PCDH15: variants seen among roughly 807,000 people sequenced by gnomAD.
The protein encoded by PCDH15 is protocadherin related 15.
Under a neutral mutation model 178.5 loss-of-function variants are expected in PCDH15, and 129 were observed. The observed-to-expected ratio is 0.72, with a 90% CI of 0.63 to 0.84. PCDH15 has a LOEUF of 0.84. PCDH15 is among the 40% of genes least tolerant of loss of function. The probability of loss-of-function intolerance (pLI) is 0.00; values close to 1 mark genes in which losing one functional copy is unlikely to be tolerated. For synonymous variants in PCDH15, 800 were observed against 732.0 expected, an observed-to-expected ratio of 1.09 and a Z score of -1.50; for missense variants, 2,230 against 2,099.9, an observed-to-expected ratio of 1.06 and a Z score of -1.21.
intron 2 of PCDH15, among the ~76,000 whole-genome samples, chr10:55,584,059 T>C (rs1295794901): frequency 2.0e-5 from 3 of 151,934 alleles, no homozygotes; most frequent in Non-Finnish European, 4.4e-5. Context: ...TTAAAAAATA[T>C]ATTTTGTAGA....
intron 5 of PCDH15, among the ~76,000 whole-genome samples, chr10:54,362,582 A>T (rs1272326030): frequency 6.6e-6 from 1 of 152,138 alleles, no homozygotes; most frequent in East Asian, 1.9e-4. Flanking sequence ...ACAGAACTTG[A>T]TTAAACACAA....
chr10:54,527,341 G>A (rs10509013), intron 3 of PCDH15, among the ~76,000 whole-genome samples: 29,645 of 152,010 alleles, frequency 0.2, 3,492 homozygotes, highest in Admixed American at 0.33. Flanking sequence ...TCATGTTCCC[G>A]CTTTCTAAGC....
chr10:55,600,551 G>A (rs986201607), intron 2 of PCDH15, among the ~76,000 whole-genome samples: 15 of 152,068 alleles, frequency 9.9e-5, no homozygotes, highest in African/African-American at 3.1e-4. Context: ...CAGGGTTTAC[G>A]ACCTTGATGT....
In PCDH15 at chr10:54,881,057, C is replaced by G. The variant is rs1389954953; in HGVS notation, c.-29+16393G>C. ...ATACATAGGAAGGCTTGAATTTAAG[C>G]TCAGCATTGACTTCCAGCATCTTTT... is the stretch of plus-strand genomic sequence containing the variant. On this transcript the variant is annotated intron_variant, in intron 3 of 5. Coordinates refer to the PCDH15 transcript ENST00000458638. Among the ~76,000 whole-genome samples, 5 of 152,018 alleles carry G rather than the reference C, an allele frequency of 3.3e-5. No homozygotes were observed. The Admixed American group carries it at 3.3e-4, about 10-fold the overall frequency.
At chr10:54,042,735 C>A (rs924961010) in intron 18 of PCDH15, among the ~76,000 whole-genome samples, 1 of 152,104 alleles carries the variant, frequency 6.6e-6, no homozygotes, top group Non-Finnish European at 1.5e-5. Context: ...ACACAATGAG[C>A]ATCCACTGAA....
intron 25 of PCDH15, among the ~76,000 whole-genome samples, chr10:53,912,530 T>C (rs375627363): frequency 6.6e-6 from 1 of 152,186 alleles, no homozygotes; most frequent in African/African-American, 2.4e-5. Flanking sequence ...GACATGATTG[T>C]ATATTTAGAA....
chr10:54,882,159 A>G (rs1290276939), intron 3 of PCDH15, among the ~76,000 whole-genome samples: 1 of 152,106 alleles, frequency 6.6e-6, no homozygotes, highest in Non-Finnish European at 1.5e-5. Context: ...AAAGAGAAGA[A>G]TCTCATCTGT....
Position 54,153,115 on chromosome 10 carries a change from G to A in PCDH15, c.1769C>T (p.Pro590Leu), listed in dbSNP as rs901573182. The A allele has an allele frequency of 6.2e-7, 1 of 1,613,778 alleles. No homozygotes were observed. The highest frequency in any genetic ancestry group is 8.5e-7 in the Non-Finnish European group (1 of 1,179,820). Residue 590 changes from proline (P) to leucine (L), a missense_variant, in exon 14 of 38, where the codon CCT becomes CTT. By Grantham distance (98) the Pro-to-Leu change is moderately conservative (BLOSUM62 -3). Coordinates refer to ENST00000644397, the MANE Select transcript of PCDH15 (RefSeq NM_001384140.1). ...TATAAATTACCTTCGCTCTGCAGGA[G>A]GAGCATTATCCGCTGCTTGGACCGT... Reference protein sequence around the residue: ...ALTVQAADNAPPAERRNSICT... With the variant: ...ALTVQAADNALPAERRNSICT...
At chr10:54,737,969 G>A (rs1251172427) in intron 1 of PCDH15, among the ~76,000 whole-genome samples, 1 of 152,086 alleles carries the variant, frequency 6.6e-6, no homozygotes, top group Non-Finnish European at 1.5e-5. Context: ...AGGAGTCACT[G>A]AAAAGCTGAG....
intron 9 of PCDH15, among the ~76,000 whole-genome samples, chr10:54,231,419 AG>A (rs2134313054): frequency 6.6e-6 from 1 of 152,356 alleles, no homozygotes; most frequent in South Asian, 2.1e-4. Flanking sequence ...CTGGATGTCC[AG>A]GCAGAAATCT....
chr10:54,978,231 C>T (rs1027452367), intron 2 of PCDH15, among the ~76,000 whole-genome samples: 1 of 151,876 alleles, frequency 6.6e-6, no homozygotes, highest in Non-Finnish European at 1.5e-5. Context: ...TAGCACTAAC[C>T]TCAATTATAT....
chr10:55,021,834 C>T lies in PCDH15; in HGVS notation c.-79-124334G>A, dbSNP rs150038963. Among the ~76,000 whole-genome samples, 647 of 151,502 alleles carry T rather than the reference C, an allele frequency of 4.3e-3. 7 individuals carry two copies. The highest frequency in any genetic ancestry group is 0.015 in the African/African-American group (606 of 41,556). ...AGTAATAAATGGGTCTGCATATTTG[C>T]TAACTGTTCTTTTATTATAGTAAAT... On this transcript the variant is annotated intron_variant, in intron 2 of 5. Transcript: ENST00000458638.
At chr10:54,349,746 A>G (rs150756583) in intron 5 of PCDH15, among the ~76,000 whole-genome samples, 2 of 152,328 alleles carry the variant, frequency 1.3e-5, no homozygotes, top group Admixed American at 1.3e-4. Flanking sequence ...CAAAAAATAT[A>G]CTTGCTGATG....
intron 26 of PCDH15, among the ~76,000 whole-genome samples, chr10:53,893,379 C>T (rs2081717233): frequency 6.6e-6 from 1 of 151,970 alleles, no homozygotes; most frequent in Admixed American, 6.6e-5. Context: ...ATGTATTTTA[C>T]TAATTTGAAA....
At chr10:55,316,382 T>C (rs1843722505) in intron 1 of PCDH15, among the ~76,000 whole-genome samples, 1 of 152,184 alleles carries the variant, frequency 6.6e-6, no homozygotes, top group South Asian at 2.1e-4. Flanking sequence ...GCAAATGATA[T>C]AAATCTTAAC....
At chr10:54,136,175 T>G (rs12260854) in intron 14 of PCDH15, among the ~76,000 whole-genome samples, 6,841 of 152,212 alleles carry the variant, frequency 0.045, 239 homozygotes, top group African/African-American at 0.09. Context: ...GAGCATGTTG[T>G]ATCATAATCT....
chr10:54,668,170 C>T (rs748803207), intron 1 of PCDH15, among the ~76,000 whole-genome samples: 3 of 151,988 alleles, frequency 2.0e-5, no homozygotes, highest in Non-Finnish European at 4.4e-5. Flanking sequence ...ATACCACTCA[C>T]TCTTCTAGGC....
At chr10:55,391,124 G>A (rs116235919) in intron 2 of PCDH15, among the ~76,000 whole-genome samples, 2,346 of 152,228 alleles carry the variant, frequency 0.015, 48 homozygotes, top group African/African-American at 0.047. Context: ...TGTCTACACC[G>A]AAGATCTGTT....
intron 8 of PCDH15, among the ~76,000 whole-genome samples, chr10:54,295,699 C>G (rs2059711618): frequency 6.6e-6 from 1 of 152,290 alleles, no homozygotes; most frequent in Non-Finnish European, 1.5e-5. Context: ...AGACCAAGAA[C>G]CCAGTGGAAG....
Sources: allele counts gnomAD v4.1 joint callset (sites outside exome capture counted in the v4.1 genomes callset), GRCh38; gene constraint gnomAD v4.1.1; transcripts MANE v1.5; gene names NCBI Gene and HGNC (gene_info 2026-07-23, HGNC 2026-07-21).